Variants in CDC42BPA observed in about 807,000 individuals in gnomAD.
CDC42BPA encodes the protein CDC42 binding protein kinase alpha, also known as serine/threonine-protein kinase MRCK alpha.
Under a neutral mutation model 223.5 loss-of-function variants are expected in CDC42BPA, and 80 were observed. That is an observed-to-expected ratio of 0.36 (90% CI 0.30 to 0.43). The LOEUF (loss-of-function observed/expected upper bound fraction) is 0.43, where lower values mean the gene tolerates loss of function less well. Among genes scored for constraint, CDC42BPA ranks in the 20% least tolerant of loss-of-function variants. The pLI is 1.00. For synonymous variants in CDC42BPA, 694 were observed against 718.6 expected, an observed-to-expected ratio of 0.97 and a Z score of 0.55; for missense variants, 1,743 against 2,099.9, an observed-to-expected ratio of 0.83 and a Z score of 3.32.
intron 15 of CDC42BPA, among the ~76,000 whole-genome samples, chr1:227,098,234 C>T (rs1296644503): frequency 6.6e-6 from 1 of 151,790 alleles, no homozygotes; most frequent in African/African-American, 2.4e-5. Flanking sequence ...TCTTGACTTC[C>T]AAAAATTGGA....
intron 2 of CDC42BPA, among the ~76,000 whole-genome samples, chr1:227,236,789 C>T (rs1304002549): frequency 6.6e-6 from 1 of 152,072 alleles, no homozygotes; most frequent in African/African-American, 2.4e-5. Flanking sequence ...CATATAAGGC[C>T]GGGCACAGTG....
intron 1 of CDC42BPA, among the ~76,000 whole-genome samples, chr1:227,289,963 G>A (rs1295634548): frequency 6.6e-6 from 1 of 151,116 alleles, no homozygotes; most frequent in East Asian, 1.9e-4. Context: ...CTTGAGCCCA[G>A]AAGTTTAAAG....
intron 24 of CDC42BPA, among the ~76,000 whole-genome samples, chr1:227,037,617 G>C (rs906845331): frequency 6.6e-6 from 1 of 152,200 alleles, no homozygotes; most frequent in Non-Finnish European, 1.5e-5. Flanking sequence ...ACATGCATCT[G>C]ATGGGGATGG....
Position 227,213,230 on chromosome 1 carries a change from T to A in CDC42BPA, c.271-11A>T, listed in dbSNP as rs982070564. The A allele has an allele frequency of 3.0e-6, 4 of 1,316,142 alleles. No individual in the cohort carries two copies. Among genetic ancestry groups the A allele is most frequent in the Non-Finnish European group, 4.3e-6 (4 of 936,200 alleles). 81.5% of individuals were successfully genotyped at this position (1,316,142 alleles called of 1,614,324 possible). On this transcript the variant is annotated splice_polypyrimidine_tract_variant and intron_variant, in intron 2 of 36. Coordinates refer to ENST00000366766, the MANE Select transcript of CDC42BPA (RefSeq NM_001394014.1). The stretch of plus-strand genomic sequence containing the variant: ...TTTTACTACAGCAACCTAGAAAAGA[T>A]AAAGGAAATATAAATTTTAAAATAA...
At chr1:227,096,192 G>C (rs537123794) in intron 15 of CDC42BPA, among the ~76,000 whole-genome samples, 2 of 152,172 alleles carry the variant, frequency 1.3e-5, no homozygotes, top group East Asian at 1.9e-4. Flanking sequence ...ACTATCTATA[G>C]ACAGATGTTA....
chr1:227,036,679 T>C (rs567392214), intron 24 of CDC42BPA, among the ~76,000 whole-genome samples: 1 of 151,974 alleles, frequency 6.6e-6, no homozygotes, highest in South Asian at 2.1e-4. Flanking sequence ...TCCGCCCGCC[T>C]GGGCCTCCCA....
chr1:227,256,948 G>GAC (rs55961981), intron 1 of CDC42BPA, among the ~76,000 whole-genome samples: 10,911 of 140,934 alleles, frequency 0.077, 436 homozygotes, highest in South Asian at 0.097. Flanking sequence ...TATATATACA[G>GAC]ACACACACAC....
At chr1:227,020,952 T>C (rs1482305275) in intron 32 of CDC42BPA, among the ~76,000 whole-genome samples, 3 of 152,180 alleles carry the variant, frequency 2.0e-5, no homozygotes, top group Admixed American at 2.0e-4. Flanking sequence ...TCACTATTGT[T>C]GGTTCTCAGA....
At chr1:227,084,171 G>A (rs1260519783) in intron 16 of CDC42BPA, among the ~76,000 whole-genome samples, 1 of 152,122 alleles carries the variant, frequency 6.6e-6, no homozygotes, top group African/African-American at 2.4e-5. Flanking sequence ...TTCTTGGTGA[G>A]GTGGTAGGAT....
chr1:227,229,427 T>C (rs1677431221), intron 2 of CDC42BPA, among the ~76,000 whole-genome samples: 1 of 152,210 alleles, frequency 6.6e-6, no homozygotes, highest in Non-Finnish European at 1.5e-5. Context: ...TAGTAAGTTT[T>C]GAAATCAGGA....
At chr1:227,033,716 C>G (rs554612697) in intron 26 of CDC42BPA, among the ~76,000 whole-genome samples, 1 of 152,122 alleles carries the variant, frequency 6.6e-6, no homozygotes, top group African/African-American at 2.4e-5. Context: ...TCTGGAGCCT[C>G]CAGTGGACCC....
At chr1:227,183,844 T>C (rs1246554023) in intron 5 of CDC42BPA, among the ~76,000 whole-genome samples, 1 of 152,236 alleles carries the variant, frequency 6.6e-6, no homozygotes, top group Non-Finnish European at 1.5e-5. Context: ...TTTCTCCATA[T>C]CCTTGCTAGC....
intron 11 of CDC42BPA, among the ~76,000 whole-genome samples, chr1:227,121,079 G>A (rs1688586612): frequency 6.6e-6 from 1 of 152,168 alleles, no homozygotes; most frequent in Non-Finnish European, 1.5e-5. Context: ...TTCACCTCCT[G>A]CTGTGCGGCC....
intron 1 of CDC42BPA, among the ~76,000 whole-genome samples, chr1:227,292,541 T>G (rs1192703059): frequency 6.6e-6 from 1 of 152,234 alleles, no homozygotes; most frequent in Non-Finnish European, 1.5e-5. Flanking sequence ...CAAAGTTCAC[T>G]GAATTAAAAT....
chr1:227,017,987 G>C (rs1252889723), intron 32 of CDC42BPA, among the ~76,000 whole-genome samples: 1 of 151,366 alleles, frequency 6.6e-6, no homozygotes, highest in Non-Finnish European at 1.5e-5. Context: ...ATAATCATAT[G>C]GCTTAGGCAG....
intron 5 of CDC42BPA, among the ~76,000 whole-genome samples, chr1:227,187,851 G>C (rs747775246): frequency 6.6e-6 from 1 of 151,520 alleles, no homozygotes; most frequent in Non-Finnish European, 1.5e-5. Flanking sequence ...CAAGTAAGAA[G>C]AGAGTGAAGT....
At chr1:227,148,698 C>T (rs1345154624) in intron 6 of CDC42BPA, among the ~76,000 whole-genome samples, 4 of 128,356 alleles carry the variant, frequency 3.1e-5, no homozygotes, top group Non-Finnish European at 4.7e-5. Flanking sequence ...ACCCGGGAGG[C>T]GGAGCTTGCA....
rs368664811 is a variant in CDC42BPA at position 227,029,113 on chromosome 1, C to A, written c.3976G>T (p.Asp1326Tyr). ...TTAGTTTCTGACAGCTTGTAAAAAT[C>A]GGTCTCTCGCCCATCCAATGCTGAC... ...PMSALDGRET[D>Y]FYKLSETKGC... Residue 1326 changes from aspartate (D) to tyrosine (Y), a missense_variant, in exon 30 of 37, where the codon GAT becomes TAT. Transcript: ENST00000366766. The A allele has an allele frequency of 6.2e-7, 1 of 1,612,538 alleles. No individual in the cohort carries two copies. Among genetic ancestry groups the A allele is most frequent in the South Asian group, 1.1e-5 (1 of 91,064 alleles).
intron 16 of CDC42BPA, among the ~76,000 whole-genome samples, chr1:227,086,076 A>G (rs1460097784): frequency 1.5e-4 from 23 of 152,280 alleles, no homozygotes. Context: ...TATCAATGAA[A>G]TAACAGAATA....
Sources: gnomAD v4.1 joint callset for allele counts (sites outside exome capture counted in the v4.1 genomes callset) on GRCh38, gnomAD v4.1.1 for gene constraint, MANE v1.5 for transcripts, NCBI Gene and HGNC (gene_info 2026-07-23, HGNC 2026-07-21) for gene names.